The following JAKMIP2 variants were observed in gnomAD, a reference collection of about 807,000 sequenced individuals.
The protein encoded by JAKMIP2 is janus kinase and microtubule-interacting protein 2.
JAKMIP2 carries 25 observed loss-of-function variants against 115.0 expected under a neutral mutation model. The observed-to-expected ratio is 0.22, with a 90% CI of 0.16 to 0.30. The LOEUF (loss-of-function observed/expected upper bound fraction) is 0.30. Among genes scored for constraint, JAKMIP2 ranks in the 10% least tolerant of loss-of-function variants. The pLI is 1.00. For synonymous variants in JAKMIP2, 334 were observed against 343.6 expected (o/e 0.97, Z 0.31); for missense variants, 642 against 957.6 (o/e 0.67, Z 4.35).
chr5:147,703,397 G>C (rs1265122199), intron 1 of JAKMIP2, among the ~76,000 whole-genome samples: 1 of 151,998 alleles, frequency 6.6e-6, no homozygotes, highest in African/African-American at 2.4e-5. Flanking sequence ...GAAAATAAAT[G>C]GTACACCTGT....
chr5:147,681,860 G>A (rs551026921), intron 1 of JAKMIP2, among the ~76,000 whole-genome samples: 129 of 151,988 alleles, frequency 8.5e-4, no homozygotes, highest in Non-Finnish European at 1.4e-3. Context: ...TGGGCAACAT[G>A]GAGAAATCTC....
intron 7 of JAKMIP2, among the ~76,000 whole-genome samples, chr5:147,643,046 C>T (rs1359851953): frequency 6.6e-6 from 1 of 152,106 alleles, no homozygotes; most frequent in Non-Finnish European, 1.5e-5. Flanking sequence ...GGCTTCCTTG[C>T]TCTTCAGCTT....
At chr5:147,775,154 C>G (rs766732262) in intron 1 of JAKMIP2, among the ~76,000 whole-genome samples, 48 of 152,152 alleles carry the variant, frequency 3.2e-4, no homozygotes, top group Admixed American at 2.4e-3. Context: ...TCACTGTCCT[C>G]AGTGGTTCAA....
chr5:147,710,840 T>G (rs978885982), intron 1 of JAKMIP2, among the ~76,000 whole-genome samples: 1 of 152,176 alleles, frequency 6.6e-6, no homozygotes, highest in Non-Finnish European at 1.5e-5. Flanking sequence ...TGTGAGGCAA[T>G]ATTATTTTAT....
intron 12 of JAKMIP2, among the ~76,000 whole-genome samples, chr5:147,635,034 A>G (rs73268147): frequency 0.062 from 9,465 of 152,214 alleles, 844 homozygotes; most frequent in African/African-American, 0.19. Flanking sequence ...TAAATTAGTC[A>G]GATGTGGTGG....
chr5:147,591,605 T>A lies in JAKMIP2; in HGVS notation c.*102A>T. The A allele has an allele frequency of 7.7e-7, 1 of 1,291,530 alleles. No individual in the cohort carries two copies. The highest frequency in any genetic ancestry group is 1.1e-6 in the Non-Finnish European group (1 of 892,608). 80.0% of individuals were successfully genotyped at this position (1,291,530 alleles called of 1,614,324 possible). On this transcript the variant is annotated 3_prime_UTR_variant, in exon 22 of 22. Coordinates refer to ENST00000616793, the MANE Select transcript of JAKMIP2 (RefSeq NM_001270941.2). The stretch of plus-strand genomic sequence containing the variant: ...TAGTTCTTAGCTTTTGATCTCCCTC[T>A]CACTGGTGTAAACAATTTTGCCATC...
intron 1 of JAKMIP2, among the ~76,000 whole-genome samples, chr5:147,770,528 A>C (rs1324595419): frequency 1.3e-5 from 2 of 152,134 alleles, no homozygotes; most frequent in African/African-American, 4.8e-5. Flanking sequence ...TAAACAAAAA[A>C]TTTAAACAAA....
Position 147,671,671 on chromosome 5 carries a change from C to T in JAKMIP2, c.129+7G>A, listed in dbSNP as rs200352713. The T allele has an allele frequency of 3.9e-5, 56 of 1,422,352 alleles. No individual in the cohort carries two copies. Among genetic ancestry groups the T allele is most frequent in the East Asian group, 1.1e-4 (4 of 36,986 alleles). 88.1% of individuals were successfully genotyped at this position (1,422,352 alleles called of 1,614,324 possible). ...TAATGCCACGACCTCAGGTAGCCCT[C>T]GCTCACCTTGGACTTCTCTTGATGC... On this transcript the variant is annotated splice_region_variant and intron_variant, in intron 2 of 21. Transcript: ENST00000616793.
chr5:147,708,409 G>A (rs1448967198), intron 1 of JAKMIP2, among the ~76,000 whole-genome samples: 1 of 152,124 alleles, frequency 6.6e-6, no homozygotes, highest in Non-Finnish European at 1.5e-5. Context: ...ATTTTTAGGA[G>A]GCTCCCAGGT....
chr5:147,654,049 T>C (rs1758542605), intron 3 of JAKMIP2, among the ~76,000 whole-genome samples: 1 of 152,138 alleles, frequency 6.6e-6, no homozygotes, highest in Non-Finnish European at 1.5e-5. Context: ...CTGAGGCCTC[T>C]GTTCTGTTCC....
At chr5:147,661,584 A>G in intron 2 of JAKMIP2, 139 bp from the exon 3 acceptor site, 1 of 799,742 alleles carries the variant, frequency 1.3e-6, no homozygotes, top group East Asian at 2.6e-5. Context: ...CTGAGAAAAA[A>G]GAACTACAGG....
chr5:147,780,801 G>T (rs1241771517), intron 1 of JAKMIP2, among the ~76,000 whole-genome samples: 1 of 152,104 alleles, frequency 6.6e-6, no homozygotes, highest in Non-Finnish European at 1.5e-5. Context: ...AGAATCAGAT[G>T]CAAGACTAAA....
chr5:147,722,083 T>C (rs1305893298), intron 1 of JAKMIP2, among the ~76,000 whole-genome samples: 1 of 152,216 alleles, frequency 6.6e-6, no homozygotes, highest in Non-Finnish European at 1.5e-5. Context: ...AAGTATTTGA[T>C]GGTGTGACAT....
intron 1 of JAKMIP2, among the ~76,000 whole-genome samples, chr5:147,690,040 C>T (rs1052067928): frequency 1.3e-5 from 2 of 152,126 alleles, no homozygotes; most frequent in African/African-American, 4.8e-5. Flanking sequence ...AGAAACAATG[C>T]ACTGTCCATG....
intron 2 of JAKMIP2, among the ~76,000 whole-genome samples, chr5:147,665,311 CAGAA>C (rs1247421003): frequency 1.3e-5 from 2 of 152,210 alleles, no homozygotes; most frequent in Non-Finnish European, 2.9e-5. Context: ...TTGCCCTTCA[CAGAA>C]AGAGTTTGCT....
intron 15 of JAKMIP2, among the ~76,000 whole-genome samples, chr5:147,629,258 G>T (rs1052646919): frequency 1.3e-5 from 2 of 152,124 alleles, no homozygotes; most frequent in Admixed American, 6.6e-5. Context: ...GAATTAATGT[G>T]CCTTGACCCT....
chr5:147,701,945 A>G (rs921524966), intron 1 of JAKMIP2, among the ~76,000 whole-genome samples: 1 of 152,148 alleles, frequency 6.6e-6, no homozygotes, highest in Non-Finnish European at 1.5e-5. Context: ...TTGCTTGCAC[A>G]TTATCTCTCC....
At position 147,601,772 on chromosome 5, in the gene JAKMIP2, G is replaced by C; in HGVS notation, c.2452C>G (p.Leu818Val). 2.6e-6 allele frequency: 4 copies of C among 1,516,416 alleles called. No individual in the cohort carries two copies. The highest frequency in any genetic ancestry group is 3.6e-6 in the Non-Finnish European group (4 of 1,122,422). The allele number at this position is 1,516,416 out of a possible 1,614,324, so 93.9% of individuals were successfully genotyped here. A position where few individuals can be genotyped will look rare whatever the true frequency, so the allele number is the denominator to read the frequency against. The change falls in exon 21 of 22, where the codon CTA (leucine) becomes GTA (valine). Residue 818 changes from leucine to valine, a missense_variant. By Grantham distance (32) the Leu-to-Val change is conservative (BLOSUM62 1). Coordinates refer to ENST00000616793, the MANE Select transcript of JAKMIP2 (RefSeq NM_001270941.2). Reference protein sequence around the residue: ...LFLFFSLAFILWP With the variant: ...LFLFFSLAFIVWP ...GAGGCACCTTGACATCAAGGCCATA[G>C]AATAAAGGCAAGAGAGAAGAACAAG...
intron 13 of JAKMIP2, among the ~76,000 whole-genome samples, chr5:147,632,065 C>T (rs1757387238): frequency 1.3e-5 from 2 of 152,124 alleles, no homozygotes; most frequent in African/African-American, 4.8e-5. Flanking sequence ...GATCCTAAGT[C>T]AGATTCTGCA....
Sources: gnomAD v4.1 joint callset for allele counts (sites outside exome capture counted in the v4.1 genomes callset) on GRCh38, gnomAD v4.1.1 for gene constraint, MANE v1.5 for transcripts, NCBI Gene and HGNC (gene_info 2026-07-23, HGNC 2026-07-21) for gene names.